The following PRKN variants were observed in gnomAD, a reference collection of about 807,000 sequenced individuals.
PRKN encodes E3 ubiquitin-protein ligase parkin.
A neutral mutation model predicts 59.5 loss-of-function variants in PRKN; 56 were observed. That is an observed-to-expected ratio of 0.94 (90% CI 0.76 to 1.18). PRKN has a LOEUF of 1.18. Among genes scored for constraint, PRKN ranks in the 50% most tolerant of loss-of-function variants. The pLI, the probability that PRKN is intolerant of heterozygous loss-of-function variation, is 0.00. For missense variants in PRKN, 657 were observed against 596.4 expected (o/e 1.10, Z -1.06); for synonymous variants, 250 against 222.1 (o/e 1.13, Z -1.12).
At chr6:162,550,336 G>A (rs1172017621) in intron 1 of PRKN, among the ~76,000 whole-genome samples, 1 of 152,166 alleles carries the variant, frequency 6.6e-6, no homozygotes, top group Admixed American at 6.6e-5. Flanking sequence ...AGCGTCTGGG[G>A]GCTAGACAGG....
intron 2 of PRKN, among the ~76,000 whole-genome samples, chr6:162,323,330 A>C (rs1783114071): frequency 6.6e-6 from 1 of 152,060 alleles, no homozygotes; most frequent in Non-Finnish European, 1.5e-5. Flanking sequence ...GAAAATCTTT[A>C]TAATCTTTGC....
At position 161,548,678 on chromosome 6, in the gene PRKN, A is replaced by C. The variant is rs1779880879; in HGVS notation, c.1083+176T>G. The C allele has an allele frequency of 1.6e-6, 1 of 642,406 alleles. No homozygotes were observed. The highest frequency in any genetic ancestry group is 1.8e-5 in the African/African-American group (1 of 54,316). The allele number at this position is 642,406 out of a possible 1,614,324, so 39.8% of individuals were successfully genotyped here. On this transcript the variant is annotated intron_variant, in intron 9 of 11. Transcript: ENST00000366898. The surrounding 1 kb of genome is among the most constrained non-coding windows in gnomAD (Gnocchi z 4.2). Reference sequence around the variant, plus strand: ...CTGTTTTCACCAAAATAAATACATAAATTTTCAAATCTGGAGTCCTATAAA... The same window carrying C: ...CTGTTTTCACCAAAATAAATACATACATTTTCAAATCTGGAGTCCTATAAA...
intron 6 of PRKN, among the ~76,000 whole-genome samples, chr6:161,838,968 A>G (rs112044372): frequency 6.6e-6 from 1 of 152,112 alleles, no homozygotes; most frequent in African/African-American, 2.4e-5. Flanking sequence ...CCAGGAGCCA[A>G]TGTGTCTCCG....
At chr6:162,320,399 ATC>A (rs1336754444) in intron 2 of PRKN, among the ~76,000 whole-genome samples, 3 of 138,226 alleles carry the variant, frequency 2.2e-5, no homozygotes, top group African/African-American at 5.5e-5. Flanking sequence ...GCATTTTAAG[ATC>A]AAACAAGCAA....
Position 161,499,414 on chromosome 6 carries a change from A to C in PRKN, c.1083+49440T>G, listed in dbSNP as rs1370823088. 6.6e-6 allele frequency among the ~76,000 whole-genome samples: 1 copy of C among 152,020 alleles called. No individual in the cohort carries two copies. The highest frequency in any genetic ancestry group is 1.5e-5 in the Non-Finnish European group (1 of 67,990). ...AAGAGTGTATTTCTTTGTGGAGTGC[A>C]TAATTCTCCTAAGTATGAAAGTGAA... On this transcript the variant is annotated intron_variant, in intron 9 of 11. Transcript: ENST00000366898. The surrounding 1 kb of genome is among the most constrained non-coding windows in gnomAD (Gnocchi z 4.2).
chr6:161,829,738 T>C (rs1033608390), intron 6 of PRKN, among the ~76,000 whole-genome samples: 1 of 150,244 alleles, frequency 6.7e-6, no homozygotes, highest in African/African-American at 2.5e-5. Flanking sequence ...GCAGCCCAGC[T>C]CCTCCACTCC....
chr6:162,604,807 A>G (rs1441105479), intron 1 of PRKN, among the ~76,000 whole-genome samples: 2 of 151,752 alleles, frequency 1.3e-5, no homozygotes, highest in Non-Finnish European at 2.9e-5. Context: ...CAATGGTGAA[A>G]TTGATTTGAA....
Position 161,537,678 on chromosome 6 carries a change from C to T in PRKN, c.1083+11176G>A, listed in dbSNP as rs567699145. On this transcript the variant is annotated intron_variant, in intron 9 of 11. Coordinates refer to ENST00000366898, the MANE Select transcript of PRKN (RefSeq NM_004562.3). ...ATGTTAGCCTGGATGGTCTCGATCT[C>T]CTGACCTCGTGATCCGCCCGCCTTA... Among the ~76,000 whole-genome samples the T allele has an allele frequency of 2.2e-4, 34 of 152,270 alleles. 1 individual carries two copies. The East Asian group carries it at 6.6e-3, about 29-fold the overall frequency.
At chr6:161,542,292 T>G (rs1003569681) in intron 9 of PRKN, among the ~76,000 whole-genome samples, 15 of 152,184 alleles carry the variant, frequency 9.9e-5, no homozygotes, top group African/African-American at 3.6e-4. Flanking sequence ...GTAGTTAAGT[T>G]TAAGCTATCT....
At chr6:162,621,120 C>A (rs372217735) in intron 1 of PRKN, among the ~76,000 whole-genome samples, 1 of 141,888 alleles carries the variant, frequency 7.0e-6, no homozygotes, top group Non-Finnish European at 1.5e-5. Context: ...TTTGATCCAG[C>A]CCGCTTGCCA....
chr6:162,505,398 G>A (rs1399848528), intron 1 of PRKN, among the ~76,000 whole-genome samples: 1 of 152,108 alleles, frequency 6.6e-6, no homozygotes, highest in Admixed American at 6.6e-5. Flanking sequence ...TCAAAATGTT[G>A]TTCAGGAATA....
At chr6:161,930,954 C>T (rs896211394) in intron 6 of PRKN, among the ~76,000 whole-genome samples, 1 of 152,152 alleles carries the variant, frequency 6.6e-6, no homozygotes, top group African/African-American at 2.4e-5. Flanking sequence ...TGAGAGCTTC[C>T]AGAAGGAACG....
intron 5 of PRKN, among the ~76,000 whole-genome samples, chr6:161,999,069 G>A (rs534680189): frequency 2.6e-5 from 4 of 152,152 alleles, no homozygotes; most frequent in African/African-American, 7.2e-5. Flanking sequence ...TTAGGAAAGG[G>A]TGAAGAAGGA....
Position 161,361,585 on chromosome 6 carries a change from G to A in PRKN, c.1168-1380C>T, listed in dbSNP as rs1784976647. ...AAATAGGACCCCGTGAAATGGGCAG[G>A]GCACATGGGTGGTATCCCTGACAGT... On this transcript the variant is annotated intron_variant, in intron 10 of 11. Transcript: ENST00000366898. This position sits in a 1 kb window ranked among gnomAD's most constrained non-coding sequence, Gnocchi z 5.2. Among the ~76,000 whole-genome samples the A allele has an allele frequency of 6.6e-6, 1 of 152,208 alleles. No individual in the cohort carries two copies. Among genetic ancestry groups the A allele is most frequent in the Non-Finnish European group, 1.5e-5 (1 of 68,042 alleles).
At chr6:162,223,811 C>A (rs1357491972) in intron 3 of PRKN, among the ~76,000 whole-genome samples, 1 of 152,050 alleles carries the variant, frequency 6.6e-6, no homozygotes, top group African/African-American at 2.4e-5. Context: ...CTTTTCATTG[C>A]CTACCTAGGA....
intron 5 of PRKN, among the ~76,000 whole-genome samples, chr6:161,975,226 C>T (rs945278182): frequency 5.3e-5 from 8 of 151,690 alleles, no homozygotes; most frequent in African/African-American, 1.7e-4. Context: ...GCTGGGACTA[C>T]AGGTGCCCGC....
chr6:161,775,656 T>C (rs1789893050), intron 7 of PRKN, among the ~76,000 whole-genome samples: 1 of 152,172 alleles, frequency 6.6e-6, no homozygotes, highest in African/African-American at 2.4e-5. Context: ...TTCCAATGTG[T>C]TTTAGGAGTT....
At chr6:161,757,809 G>A (rs1434551905) in intron 7 of PRKN, among the ~76,000 whole-genome samples, 5 of 115,468 alleles carry the variant, frequency 4.3e-5, no homozygotes, top group African/African-American at 1.6e-4. Flanking sequence ...TTGCACTCCA[G>A]CCTGGGCAAT....
In PRKN at chr6:161,393,048, A is replaced by G. The variant is rs941086282; in HGVS notation, c.1084-6171T>C. ...AACCCTTTGAGGTAGAGAGACCCGG[A>G]GTCTGAGGCCTCTTGGATCATTTAT... On this transcript the variant is annotated intron_variant, in intron 9 of 11. Transcript: ENST00000366898. This position sits in a 1 kb window ranked among gnomAD's most constrained non-coding sequence, Gnocchi z 4.7. Among the ~76,000 whole-genome samples, 3 of 152,142 alleles carry G rather than the reference A, an allele frequency of 2.0e-5. No individual in the cohort carries two copies. Among genetic ancestry groups the G allele is most frequent in the African/African-American group, 7.2e-5 (3 of 41,382 alleles).
Sources: gnomAD v4.1 joint callset for allele counts (sites outside exome capture counted in the v4.1 genomes callset) on GRCh38, gnomAD v4.1.1 for gene constraint, Gnocchi (gnomAD v3.1) non-coding constraint, MANE v1.5 for transcripts, NCBI Gene and HGNC (gene_info 2026-07-23, HGNC 2026-07-21) for gene names.